Variants in SCARB2 observed in about 807,000 individuals in gnomAD.
SCARB2 encodes lysosome membrane protein 2.
In SCARB2, 29 loss-of-function variants were observed where a neutral mutation model predicts 58.6. The observed-to-expected ratio is 0.49, with a 90% CI of 0.37 to 0.67. SCARB2 has a LOEUF of 0.67. Ranked by LOEUF, SCARB2 falls within the 30% of genes least tolerant of loss-of-function variation. The probability of loss-of-function intolerance (pLI) is 0.00; values close to 1 mark genes in which losing one functional copy is unlikely to be tolerated. For missense variants in SCARB2, 488 were observed against 578.5 expected (o/e 0.84, Z 1.60); for synonymous variants, 195 against 210.1 (o/e 0.93, Z 0.62).
rs150124664 is a variant in SCARB2, at chr4:76,196,060, G to A, written c.118-196C>T. Among the ~76,000 whole-genome samples, 36 of 152,354 alleles carry A rather than the reference G, an allele frequency of 2.4e-4. No individual in the cohort carries two copies. The East Asian group carries it at 6.6e-3, about 28-fold the overall frequency. On this transcript the variant is annotated intron_variant, in intron 1 of 11. Coordinates refer to ENST00000264896, the MANE Select transcript of SCARB2 (RefSeq NM_005506.4). ...TAGAGCCCACAGTTCTAATAAGTCA[G>A]AGAAGGCCTTCGATAAATATTTGTA...
intron 2 of SCARB2, among the ~76,000 whole-genome samples, chr4:76,190,229 C>T (rs1427136692): frequency 2.6e-5 from 4 of 151,806 alleles, no homozygotes; most frequent in African/African-American, 4.8e-5. Context: ...AGCCTAGTCT[C>T]GAACTCCTAA....
At chr4:76,201,663 T>C (rs1247337130) in intron 1 of SCARB2, among the ~76,000 whole-genome samples, 3 of 152,230 alleles carry the variant, frequency 2.0e-5, no homozygotes, top group Admixed American at 2.0e-4. Context: ...TAGCTGCAAA[T>C]ATTATTTTTC....
chr4:76,162,012 CTT>C (rs1180301781), intron 11 of SCARB2: 12 of 547,116 alleles, frequency 2.2e-5, no homozygotes, highest in Non-Finnish European at 3.9e-5. Flanking sequence ...GATTATAAAA[CTT>C]AGACTCTATT....
At chr4:76,172,307 C>T (rs1269408223) in intron 7 of SCARB2, among the ~76,000 whole-genome samples, 1 of 151,668 alleles carries the variant, frequency 6.6e-6, no homozygotes, top group Non-Finnish European at 1.5e-5. Flanking sequence ...CACTCTGTTG[C>T]CCAGGCTGGA....
At chr4:76,170,442 A>G (rs568140044) in intron 7 of SCARB2, among the ~76,000 whole-genome samples, 16 of 152,324 alleles carry the variant, frequency 1.1e-4, no homozygotes, top group African/African-American at 3.6e-4. Context: ...AGGGTGTTGT[A>G]CCTCAAAGCA....
chr4:76,216,794 T>C (rs1262553168), upstream of SCARB2, among the ~76,000 whole-genome samples: 2 of 152,210 alleles, frequency 1.3e-5, no homozygotes, highest in East Asian at 3.8e-4. Context: ...CTGACCAGGC[T>C]AGCATTTTTA....
upstream of SCARB2, chr4:76,214,043 G>A (rs1733146508): frequency 3.1e-6 from 1 of 323,236 alleles, no homozygotes; most frequent in African/African-American, 2.3e-5. Context: ...CGCTCCCAGC[G>A]CCCTGCACCG....
At chr4:76,203,076 T>C (rs540474322) in intron 1 of SCARB2, among the ~76,000 whole-genome samples, 1 of 152,254 alleles carries the variant, frequency 6.6e-6, no homozygotes, top group East Asian at 1.9e-4. Context: ...ACTGCAACTT[T>C]TGACTGTCAT....
chr4:76,191,474 C>G (rs1252851596), intron 2 of SCARB2, among the ~76,000 whole-genome samples: 1 of 152,048 alleles, frequency 6.6e-6, no homozygotes, highest in Non-Finnish European at 1.5e-5. Flanking sequence ...TGAGTTCTCA[C>G]GAGATCTGGC....
chr4:76,215,802 C>G (rs935563108), upstream of SCARB2, among the ~76,000 whole-genome samples: 2 of 152,136 alleles, frequency 1.3e-5, no homozygotes, highest in East Asian at 3.9e-4. Flanking sequence ...CACCAGTCCC[C>G]AGCTGTCCCT....
At chr4:76,171,974 G>C (rs1458378348) in intron 7 of SCARB2, among the ~76,000 whole-genome samples, 1 of 151,416 alleles carries the variant, frequency 6.6e-6, no homozygotes, top group Non-Finnish European at 1.5e-5. Flanking sequence ...ATGAGTGTGT[G>C]TGCACACTTG....
In SCARB2 at chr4:76,196,784, C is replaced by G. The variant is rs141556991; in HGVS notation, c.118-920G>C. 3.2e-3 allele frequency among the ~76,000 whole-genome samples: 485 copies of G among 152,322 alleles called. 4 individuals carry two copies. The highest frequency in any genetic ancestry group is 0.011 in the African/African-American group (474 of 41,558). On this transcript the variant is annotated intron_variant, in intron 1 of 11. Transcript: ENST00000264896. ...AGGTTAGCTGACAATGGAGACTGCA[C>G]TCTGCACACAATCCCTCCTGCACTT...
rs1731886481 is a variant in SCARB2, at chr4:76,160,996, A to G, written c.*717T>C. On this transcript the variant is annotated 3_prime_UTR_variant, in exon 12 of 12. Coordinates refer to ENST00000264896, the MANE Select transcript of SCARB2 (RefSeq NM_005506.4). ...ATATCTGTACTTTATCCTCACCAAC[A>G]TTATTTATGCATTCTCTTCGTTCAC... 6.6e-6 allele frequency: 1 copy of G among 152,396 alleles called. No homozygotes were observed. Among genetic ancestry groups the G allele is most frequent in the Non-Finnish European group, 1.5e-5 (1 of 68,146 alleles). 9.4% of individuals were successfully genotyped at this position (152,396 alleles called of 1,614,324 possible). A position where few individuals can be genotyped will look rare whatever the true frequency, so the allele number is the denominator to read the frequency against.
At chr4:76,181,269 T>G (rs1388668868) in intron 2 of SCARB2, among the ~76,000 whole-genome samples, 168 bp from the exon 3 acceptor site, 1 of 152,194 alleles carries the variant, frequency 6.6e-6, no homozygotes, top group Non-Finnish European at 1.5e-5. Flanking sequence ...GAAGCTATAA[T>G]GTGGGAAGGA....
chr4:76,162,275 G>C (rs1731915034), intron 11 of SCARB2: 1 of 157,642 alleles, frequency 6.3e-6, no homozygotes, highest in Non-Finnish European at 1.4e-5. Context: ...GACTGGCAGG[G>C]GATAAGAGAA....
chr4:76,170,014 G>T lies in SCARB2; in HGVS notation c.995-29C>A, dbSNP rs1732096998. On this transcript the variant is annotated intron_variant, in intron 7 of 11. Coordinates refer to ENST00000264896, the MANE Select transcript of SCARB2 (RefSeq NM_005506.4). ...CATTTGAAGGAAAACAGAAATGAAT[G>T]ATGCTGTTTTTAAAATCTAAGCTGA... 6 of 1,552,626 alleles carry T rather than the reference G, an allele frequency of 3.9e-6. No individual in the cohort carries two copies. In the East Asian group the frequency reaches 1.1e-4, roughly 29 times the overall value.
intron 7 of SCARB2, among the ~76,000 whole-genome samples, chr4:76,172,187 AC>A (rs1257105278): frequency 6.8e-6 from 1 of 148,148 alleles, no homozygotes; most frequent in Non-Finnish European, 1.5e-5. Flanking sequence ...GATGAAAAAT[AC>A]TTTTGTCAGT....
At chr4:76,225,774 T>C (rs1334069188) in intron 1 of SCARB2, among the ~76,000 whole-genome samples, 1 of 152,226 alleles carries the variant, frequency 6.6e-6, no homozygotes, top group Non-Finnish European at 1.5e-5. Flanking sequence ...TGATATGCTG[T>C]TGGATCCAGT....
intron 2 of SCARB2, among the ~76,000 whole-genome samples, chr4:76,190,312 C>T (rs1454237597): frequency 6.6e-6 from 1 of 152,122 alleles, no homozygotes; most frequent in Non-Finnish European, 1.5e-5. Context: ...GCCCAGTCTA[C>T]TTGACATTTT....
Sources: allele counts gnomAD v4.1 joint callset (sites outside exome capture counted in the v4.1 genomes callset), GRCh38; gene constraint gnomAD v4.1.1; transcripts MANE v1.5; gene names NCBI Gene and HGNC (gene_info 2026-07-23, HGNC 2026-07-21).